Variants in NOVA1 observed in about 807,000 individuals in gnomAD.
NOVA1 encodes the protein RNA-binding protein Nova-1.
In NOVA1, 7 loss-of-function variants were observed where a neutral mutation model predicts 38.0. The ratio of observed to expected loss-of-function variants is 0.18; its 90% CI spans 0.10 to 0.35. NOVA1 has a LOEUF of 0.35. Among genes scored for constraint, NOVA1 ranks in the 10% least tolerant of loss-of-function variants. The pLI is 1.00. For missense variants in NOVA1, 460 were observed against 616.0 expected (o/e 0.75, Z 2.68); for synonymous variants, 270 against 232.5 (o/e 1.16, Z -1.47).
intron 2 of NOVA1, among the ~76,000 whole-genome samples, chr14:26,576,159 GTA>G (rs142710138): frequency 5.3e-5 from 8 of 150,276 alleles, no homozygotes; most frequent in East Asian, 3.9e-4. Context: ...CAATGTGTGT[GTA>G]TATATATATA....
chr14:26,576,172 T>C (rs1483272000), intron 2 of NOVA1, among the ~76,000 whole-genome samples: 2 of 151,910 alleles, frequency 1.3e-5, no homozygotes, highest in African/African-American at 4.8e-5. Context: ...TATATATATA[T>C]ACCACCTGAT....
chr14:26,569,181 G>A (rs1157248748), intron 2 of NOVA1, among the ~76,000 whole-genome samples: 1 of 152,112 alleles, frequency 6.6e-6, no homozygotes, highest in Non-Finnish European at 1.5e-5. Flanking sequence ...CTGTCAGATA[G>A]AGTATTTTAA....
chr14:26,539,432 G>A (rs961818359), intron 2 of NOVA1, among the ~76,000 whole-genome samples: 13 of 151,874 alleles, frequency 8.6e-5, no homozygotes, highest in Admixed American at 6.6e-4. Context: ...TTCTAAATAA[G>A]ACAAAATAAA....
intron 2 of NOVA1, among the ~76,000 whole-genome samples, chr14:26,508,497 A>G (rs1179044173): frequency 6.6e-6 from 1 of 151,878 alleles, no homozygotes; most frequent in Admixed American, 6.6e-5. Flanking sequence ...GAACAACCCT[A>G]TATCCTACGA....
chr14:26,573,943 C>T (rs113451082), intron 2 of NOVA1, among the ~76,000 whole-genome samples: 9,083 of 150,372 alleles, frequency 0.06, 780 homozygotes, highest in African/African-American at 0.19. Flanking sequence ...AAGTGCAAGA[C>T]AATAAAAACA....
chr14:26,510,231 T>A (rs1440923643), intron 2 of NOVA1, among the ~76,000 whole-genome samples: 2 of 152,166 alleles, frequency 1.3e-5, no homozygotes, highest in African/African-American at 4.8e-5. Flanking sequence ...AAATATAAGC[T>A]AAGCACATAA....
intron 2 of NOVA1, among the ~76,000 whole-genome samples, chr14:26,569,818 T>A (rs2138715529): frequency 6.6e-6 from 1 of 152,316 alleles, no homozygotes; most frequent in African/African-American, 2.4e-5. Context: ...TCTTTACTTC[T>A]TCAACAGCAT....
intron 2 of NOVA1, among the ~76,000 whole-genome samples, chr14:26,569,516 G>A (rs1273121690): frequency 6.6e-6 from 1 of 152,138 alleles, no homozygotes; most frequent in Non-Finnish European, 1.5e-5. Context: ...AAACAAAGAA[G>A]TAGATGTGAA....
chr14:26,479,101 T>C (rs1194942968), intron 3 of NOVA1: 1 of 151,994 alleles, frequency 6.6e-6, no homozygotes, highest in Non-Finnish European at 1.5e-5. Flanking sequence ...GAGTATTCTG[T>C]AAATTAAATA....
chr14:26,452,316 A>G (rs368353877), intron 4 of NOVA1, among the ~76,000 whole-genome samples: 3 of 152,216 alleles, frequency 2.0e-5, no homozygotes, highest in East Asian at 3.8e-4. Context: ...AAATTCAGTT[A>G]AATAACATTA....
intron 2 of NOVA1, among the ~76,000 whole-genome samples, chr14:26,556,575 C>G (rs1891493856): frequency 6.6e-6 from 1 of 152,092 alleles, no homozygotes; most frequent in South Asian, 2.1e-4. Flanking sequence ...AGGATAAAAT[C>G]AGGGTGACCT....
chr14:26,470,278 C>T, intron 4 of NOVA1: 3 of 1,307,780 alleles, frequency 2.3e-6, no homozygotes, highest in South Asian at 2.9e-5. Context: ...TTAATCAGGA[C>T]TATTGACAAG....
chr14:26,451,454 G>A (rs921870056), intron 4 of NOVA1, among the ~76,000 whole-genome samples: 2 of 151,964 alleles, frequency 1.3e-5, no homozygotes, highest in African/African-American at 2.4e-5. Context: ...TGCAACCTCC[G>A]CCTCCCGGGT....
intron 2 of NOVA1, among the ~76,000 whole-genome samples, chr14:26,554,781 T>C (rs566733884): frequency 6.6e-6 from 1 of 152,336 alleles, no homozygotes; most frequent in South Asian, 2.1e-4. Flanking sequence ...ATTCTATGAA[T>C]ACTAGGCTGA....
At chr14:26,458,702 T>C (rs1883385498) in intron 4 of NOVA1, among the ~76,000 whole-genome samples, 1 of 152,088 alleles carries the variant, frequency 6.6e-6, no homozygotes, top group Middle Eastern at 3.4e-3. Context: ...GTTGAAAAAC[T>C]ACCTATCGGG....
At chr14:26,577,438 AG>A (rs1388376616) in intron 2 of NOVA1, among the ~76,000 whole-genome samples, 1 of 152,122 alleles carries the variant, frequency 6.6e-6, no homozygotes, top group Non-Finnish European at 1.5e-5. Flanking sequence ...TAACTAAGAC[AG>A]GCTACTTTTT....
Position 26,448,547 on chromosome 14 carries a change from C to A in NOVA1, c.936G>T (p.Leu312=), listed in dbSNP as rs773398937. The A allele has an allele frequency of 6.2e-7, 1 of 1,614,172 alleles. No homozygotes were observed. Among genetic ancestry groups the A allele is most frequent in the South Asian group, 1.1e-5 (1 of 91,074 alleles). ...TATTAAGTGCAGAGGTGATGGCCAC[C>A]AGGTCATTGCCTGTGAAGCCAGATA... ...AVLSGFTGND[L]VAITSALNTL... is the part of the protein sequence containing the mutation. The change falls in exon 5 of 5, where the codon CTG becomes CTT. Residue 312 remains leucine (L), a synonymous_variant. Coordinates refer to ENST00000539517, the MANE Select transcript of NOVA1 (RefSeq NM_002515.3). The surrounding 1 kb of genome is among the most constrained non-coding windows in gnomAD (Gnocchi z 5.3).
At chr14:26,490,593 C>T (rs1886257950) in intron 2 of NOVA1, among the ~76,000 whole-genome samples, 1 of 152,110 alleles carries the variant, frequency 6.6e-6, no homozygotes, top group African/African-American at 2.4e-5. Flanking sequence ...CTAATAATGT[C>T]GAACATTTTT....
chr14:26,482,876 T>C (rs931616357), intron 2 of NOVA1, among the ~76,000 whole-genome samples: 2 of 152,050 alleles, frequency 1.3e-5, no homozygotes, highest in African/African-American at 4.8e-5. Flanking sequence ...ATTTTTTGGA[T>C]TTTTTTGTAG....
Sources: allele counts gnomAD v4.1 joint callset (sites outside exome capture counted in the v4.1 genomes callset), GRCh38; gene constraint gnomAD v4.1.1; non-coding constraint Gnocchi (gnomAD v3.1); transcripts MANE v1.5; gene names NCBI Gene and HGNC (gene_info 2026-07-23, HGNC 2026-07-21).